The following COL1A2 variants were observed in gnomAD, a reference collection of about 807,000 sequenced individuals.
COL1A2 encodes the protein collagen alpha-2(I) chain.
Under a neutral mutation model 174.3 loss-of-function variants are expected in COL1A2, and 49 were observed. The observed-to-expected ratio is 0.28, with a 90% CI of 0.22 to 0.36. The LOEUF (loss-of-function observed/expected upper bound fraction) is 0.36. COL1A2 is among the 10% of genes least tolerant of loss of function. The pLI, the probability that COL1A2 is intolerant of heterozygous loss-of-function variation, is 1.00. For missense variants in COL1A2, 1,438 were observed against 1,822.7 expected (o/e 0.79, Z 3.84); for synonymous variants, 655 against 606.6 (o/e 1.08, Z -1.17).
At chr7:94,422,841 G>C in intron 39 of COL1A2, 116 bp from the exon 40 acceptor site, 2 of 1,236,610 alleles carry the variant, frequency 1.6e-6, no homozygotes, top group South Asian at 1.2e-5. Flanking sequence ...CAAATGGCCA[G>C]GGTATTATTT....
intron 9 of COL1A2, 126 bp downstream of exon 9, chr7:94,405,018 G>A (rs181879757): frequency 1.7e-6 from 2 of 1,175,436 alleles, no homozygotes; most frequent in East Asian, 2.5e-5. Flanking sequence ...CTTAATGTAT[G>A]GGAAATATTA....
chr7:94,405,774 G>A, intron 11 of COL1A2, 48 bp downstream of exon 11: 1 of 1,442,532 alleles, frequency 6.9e-7, no homozygotes, highest in Non-Finnish European at 9.8e-7. Context: ...ATTAATTTTT[G>A]GAAAAAACTC....
intron 12 of COL1A2, among the ~76,000 whole-genome samples, chr7:94,407,381 A>G (rs1362180255): frequency 6.8e-6 from 1 of 146,628 alleles, no homozygotes; most frequent in African/African-American, 2.6e-5. Flanking sequence ...TTTACTCAGG[A>G]TAAGAATATA....
At chr7:94,416,195 C>T (rs1193555890) in intron 30 of COL1A2, among the ~76,000 whole-genome samples, 52 of 152,294 alleles carry the variant, frequency 3.4e-4, no homozygotes, top group Non-Finnish European at 2.9e-5. Context: ...GAGTCGTAGT[C>T]ATGGAACATT....
At chr7:94,403,440 C>A (rs535154105) in intron 6 of COL1A2, among the ~76,000 whole-genome samples, 1 of 152,142 alleles carries the variant, frequency 6.6e-6, no homozygotes, top group Non-Finnish European at 1.5e-5. Context: ...CCATGAAATA[C>A]ACTACATTTT....
chr7:94,420,087 T>A (rs772274661), intron 34 of COL1A2, 146 bp from the exon 35 acceptor site: 1 of 1,097,318 alleles, frequency 9.1e-7, no homozygotes, highest in Non-Finnish European at 1.4e-6. Flanking sequence ...AAAAATCCAC[T>A]TCATTTTACT....
Position 94,412,059 on chromosome 7 carries a change from A to C in COL1A2, c.1351-9A>C. 1 of 1,608,832 alleles carries C rather than the reference A, an allele frequency of 6.2e-7. No individual in the cohort carries two copies. The highest frequency in any genetic ancestry group is 1.7e-4 in the Middle Eastern group (1 of 6,056). On this transcript the variant is annotated splice_polypyrimidine_tract_variant and intron_variant, in intron 23 of 51. Coordinates refer to ENST00000297268, the MANE Select transcript of COL1A2 (RefSeq NM_000089.4). The stretch of plus-strand genomic sequence containing the variant: ...TGCCAATATAAAAACATCCTCATTT[A>C]TTTTATAGGGTCTTCCTGGTTCCCC...
intron 48 of COL1A2, 89 bp downstream of exon 48, chr7:94,427,384 T>C: frequency 3.1e-6 from 4 of 1,291,160 alleles, no homozygotes; most frequent in Non-Finnish European, 4.4e-6. Context: ...TGACAACCCA[T>C]TAAAGTTAGC....
Position 94,397,622 on chromosome 7 carries a change from AT to A in COL1A2, c.71-125del, listed in dbSNP as rs772254847. 51 of 568,994 alleles carry A rather than the reference AT, an allele frequency of 9.0e-5. No homozygotes were observed. The South Asian group carries it at 9.4e-4, about 10-fold the overall frequency. 35.2% of individuals were successfully genotyped at this position (568,994 alleles called of 1,614,324 possible). On this transcript the variant is annotated intron_variant, in intron 1 of 51. Transcript: ENST00000297268. Reference sequence around the variant, plus strand: ...AGGTCATTAAAATATTCTTAAAAAAATATAATTGGTCCTTAATTAGGTAATT... The same window carrying A: ...AGGTCATTAAAATATTCTTAAAAAAAATAATTGGTCCTTAATTAGGTAATT...
In COL1A2 at chr7:94,409,312, C is replaced by T. The variant is rs763509484; in HGVS notation, c.793-10C>T. On this transcript the variant is annotated splice_polypyrimidine_tract_variant and intron_variant, in intron 16 of 51. Coordinates refer to ENST00000297268, the MANE Select transcript of COL1A2 (RefSeq NM_000089.4). ...GCTGGTTAATTCCTTGGTTTAATTT[C>T]CTCTTTTAGGGTGAAATTGGAGCTG... 12 of 1,613,262 alleles carry T rather than the reference C, an allele frequency of 7.4e-6. No individual in the cohort carries two copies. Among genetic ancestry groups the T allele is most frequent in the South Asian group, 1.1e-5 (1 of 91,034 alleles).
chr7:94,429,518 G>C (rs1406593309), intron 51 of COL1A2, 88 bp downstream of exon 51: 1 of 1,461,054 alleles, frequency 6.8e-7, no homozygotes, highest in Admixed American at 1.7e-5. Flanking sequence ...GGGTCTAAAG[G>C]GGGGTTAAAA....
chr7:94,405,259 CT>C lies in COL1A2; in HGVS notation c.486+12del. 6.2e-7 allele frequency: 1 copy of C among 1,613,636 alleles called. No individual in the cohort carries two copies. Among genetic ancestry groups the C allele is most frequent in the Non-Finnish European group, 8.5e-7 (1 of 1,179,714 alleles). ...AGGAGTTGTTGGACCACAGGTGAGA[CT>C]TTTTACATTGGTAGATAGCACAAAC... is the stretch of plus-strand genomic sequence containing the variant. On this transcript the variant is annotated splice_region_variant and intron_variant, in intron 10 of 51. Transcript: ENST00000297268.
At chr7:94,427,381 C>A in intron 48 of COL1A2, 86 bp downstream of exon 48, 1 of 1,299,780 alleles carries the variant, frequency 7.7e-7, no homozygotes, top group Non-Finnish European at 1.1e-6. Context: ...CTTTGACAAC[C>A]CATTAAAGTT....
At chr7:94,419,695 GAA>G in intron 34 of COL1A2, 144 bp downstream of exon 34, 1 of 893,218 alleles carries the variant, frequency 1.1e-6, no homozygotes, top group Non-Finnish European at 1.8e-6. Flanking sequence ...AGAGCAGCAG[GAA>G]ACAAATGCTG....
At chr7:94,429,946 G>A in intron 51 of COL1A2, 1 of 426,646 alleles carries the variant, frequency 2.3e-6, no homozygotes, top group South Asian at 2.6e-5. Flanking sequence ...ACACATAGAG[G>A]GACATACACA....
Position 94,413,934 on chromosome 7 carries a change from C to G in COL1A2, c.1652C>G (p.Pro551Arg). 1.9e-6 allele frequency: 3 copies of G among 1,613,422 alleles called. No homozygotes were observed. Among genetic ancestry groups the G allele is most frequent in the Non-Finnish European group, 2.5e-6 (3 of 1,179,672 alleles). ...GGKGEQGPPG[P>R]PGFQGLPGPS... ...AAAGGTGAACAGGGTCCCCCTGGTC[C>G]TCCAGGCTTCCAGGTAAGTCAACTC... The change falls in exon 28 of 52, where the codon CCT becomes CGT. Residue 551 changes from proline (P) to arginine (R), a missense_variant. Coordinates refer to ENST00000297268, the MANE Select transcript of COL1A2 (RefSeq NM_000089.4).
chr7:94,398,945 T>G, intron 3 of COL1A2, 104 bp from the exon 4 acceptor site: 1 of 1,053,850 alleles, frequency 9.5e-7, no homozygotes, highest in South Asian at 1.3e-5. Flanking sequence ...AACATTGTAG[T>G]TACATCAGTC....
intron 19 of COL1A2, 116 bp downstream of exon 19, chr7:94,409,937 ATT>A: frequency 9.5e-7 from 1 of 1,057,268 alleles, no homozygotes; most frequent in Non-Finnish European, 1.4e-6. Context: ...CTTCCTTAGC[ATT>A]TTTAGTTTAT....
intron 5 of COL1A2, among the ~76,000 whole-genome samples, chr7:94,400,749 A>C (rs903874455): frequency 1.3e-5 from 2 of 152,130 alleles, no homozygotes; most frequent in Non-Finnish European, 2.9e-5. Flanking sequence ...AGAAAAGTAC[A>C]TTTCCCTTTT....
Sources: gnomAD v4.1 joint callset for allele counts (sites outside exome capture counted in the v4.1 genomes callset) on GRCh38, gnomAD v4.1.1 for gene constraint, MANE v1.5 for transcripts, NCBI Gene and HGNC (gene_info 2026-07-23, HGNC 2026-07-21) for gene names.